SLC38A9: variants seen among roughly 807,000 people sequenced by gnomAD.
The protein encoded by SLC38A9 is solute carrier family 38 member 9.
SLC38A9 carries 48 observed loss-of-function variants against 62.3 expected under a neutral mutation model. The ratio of observed to expected loss-of-function variants is 0.77; its 90% confidence interval spans 0.61 to 0.98. The LOEUF (loss-of-function observed/expected upper bound fraction) is 0.98. Ranked by LOEUF, SLC38A9 falls within the 50% of genes least tolerant of loss-of-function variation. The pLI, the probability that SLC38A9 is intolerant of heterozygous loss-of-function variation, is 0.00. For synonymous variants in SLC38A9, 204 were observed against 227.7 expected (o/e 0.90, Z 0.94); for missense variants, 541 against 679.8 (o/e 0.80, Z 2.27).
chr5:55,630,803 A>G (rs1353959286), intron 14 of SLC38A9, among the ~76,000 whole-genome samples: 1 of 152,126 alleles, frequency 6.6e-6, no homozygotes, highest in African/African-American at 2.4e-5. Context: ...TACTTATGTT[A>G]ACAAGTAATG....
At chr5:55,635,678 T>C (rs571739753) in intron 12 of SLC38A9, 21 bp from the exon 13 acceptor site, 1 of 1,521,754 alleles carries the variant, frequency 6.6e-7, no homozygotes, top group South Asian at 1.1e-5. Flanking sequence ...AGAACAAAAG[T>C]CCCATAATAC....
At chr5:55,688,410 CA>C (rs1754256924) in intron 3 of SLC38A9, among the ~76,000 whole-genome samples, 1 of 136,194 alleles carries the variant, frequency 7.3e-6, no homozygotes, top group Admixed American at 7.7e-5. Flanking sequence ...AAGACAGTCT[CA>C]CTCTGTTGCC....
Position 55,652,584 on chromosome 5 carries a change from G to T in SLC38A9, c.897C>A (p.Leu299=). The T allele has an allele frequency of 2.5e-6, 4 of 1,611,236 alleles. No individual in the cohort carries two copies. Among genetic ancestry groups the T allele is most frequent in the Non-Finnish European group, 3.4e-6 (4 of 1,178,326 alleles). ...RTVPFYLVGL[L]LPLLNFKSPS... ...GAGACTTGAAATTGAGCAGTGGGAG[G>T]AGGAGCCCTACAAGATAAAAGGGGA... Residue 299 remains leucine (L), a synonymous_variant, in exon 10 of 16, where the codon CTC becomes CTA. Coordinates refer to ENST00000396865, the MANE Select transcript of SLC38A9 (RefSeq NM_173514.4).
At chr5:55,640,983 T>G (rs561794988) in intron 12 of SLC38A9, among the ~76,000 whole-genome samples, 3 of 152,204 alleles carry the variant, frequency 2.0e-5, no homozygotes, top group Non-Finnish European at 4.4e-5. Context: ...ATTACAGGCA[T>G]GTGCCACCAC....
chr5:55,641,209 C>G (rs73125608), intron 12 of SLC38A9, among the ~76,000 whole-genome samples: 7,441 of 152,248 alleles, frequency 0.049, 315 homozygotes, highest in African/African-American at 0.12. Flanking sequence ...TGGTAAAAAC[C>G]TACCAAGAGT....
At chr5:55,702,305 C>T (rs558227740) in intron 2 of SLC38A9, among the ~76,000 whole-genome samples, 2 of 151,308 alleles carry the variant, frequency 1.3e-5, no homozygotes, top group East Asian at 3.9e-4. Flanking sequence ...GTCACCCAGG[C>T]TGGAGTGGTG....
intron 14 of SLC38A9, among the ~76,000 whole-genome samples, chr5:55,632,500 A>G (rs1488822430): frequency 1.3e-5 from 2 of 152,208 alleles, no homozygotes; most frequent in Non-Finnish European, 2.9e-5. Flanking sequence ...ATATAAAAGT[A>G]AGGATTGTTG....
chr5:55,648,819 G>A (rs1292707276), intron 11 of SLC38A9, among the ~76,000 whole-genome samples: 2 of 152,144 alleles, frequency 1.3e-5, no homozygotes, highest in African/African-American at 4.8e-5. Context: ...ACTACACATT[G>A]CATAGAGGTA....
chr5:55,710,626 G>GT (rs1033420722), intron 2 of SLC38A9, among the ~76,000 whole-genome samples: 7 of 151,094 alleles, frequency 4.6e-5, no homozygotes, highest in East Asian at 2.0e-4. Context: ...TTTTGTTTTT[G>GT]TTTTTTTTGA....
intron 8 of SLC38A9, among the ~76,000 whole-genome samples, chr5:55,663,020 G>A (rs890921942): frequency 5.9e-5 from 9 of 151,656 alleles, no homozygotes; most frequent in Non-Finnish European, 1.0e-4. Flanking sequence ...TCAGGCTCCC[G>A]AGTAGCTGGG....
At chr5:55,631,247 A>G (rs1368174323) in intron 14 of SLC38A9, among the ~76,000 whole-genome samples, 1 of 152,214 alleles carries the variant, frequency 6.6e-6, no homozygotes, top group Non-Finnish European at 1.5e-5. Flanking sequence ...AAGAGCATAA[A>G]GGGTCCTGAG....
chr5:55,650,001 A>T (rs955891347), intron 10 of SLC38A9, among the ~76,000 whole-genome samples: 1 of 152,174 alleles, frequency 6.6e-6, no homozygotes, highest in African/African-American at 2.4e-5. Context: ...ACTTACTTTT[A>T]TTCTTTGAAT....
intron 10 of SLC38A9, among the ~76,000 whole-genome samples, chr5:55,650,689 C>G (rs1257501114): frequency 6.6e-6 from 1 of 152,340 alleles, no homozygotes; most frequent in East Asian, 1.9e-4. Flanking sequence ...ACAGTGAATC[C>G]TGTTCCTGAG....
chr5:55,703,426 C>T (rs551972553), intron 2 of SLC38A9, among the ~76,000 whole-genome samples: 19 of 152,240 alleles, frequency 1.2e-4, no homozygotes, highest in African/African-American at 4.6e-4. Context: ...AGTAAGTTGA[C>T]TCTTTGAGAC....
intron 2 of SLC38A9, chr5:55,702,801 C>T (rs1756833546): frequency 6.6e-6 from 1 of 151,980 alleles, no homozygotes; most frequent in Non-Finnish European, 1.5e-5. Context: ...TGTGCATTTT[C>T]TTTTCTCTGT....
intron 12 of SLC38A9, among the ~76,000 whole-genome samples, chr5:55,639,272 T>TTAA (rs1391586466): frequency 4.2e-4 from 23 of 54,648 alleles, no homozygotes; most frequent in African/African-American, 1.6e-3. Context: ...AAACTCTGTC[T>TTAA]AAAAAAAAAA....
At chr5:55,671,681 C>G (rs902834231) in intron 4 of SLC38A9, among the ~76,000 whole-genome samples, 7 of 151,956 alleles carry the variant, frequency 4.6e-5, no homozygotes, top group Non-Finnish European at 8.8e-5. Flanking sequence ...AACCGTGTCT[C>G]TACTCAAAAT....
intron 3 of SLC38A9, chr5:55,694,291 TG>T: frequency 5.7e-6 from 1 of 176,442 alleles, no homozygotes; most frequent in Non-Finnish European, 1.3e-5. Context: ...CTGCCATCCG[TG>T]GTCATGTCAG....
In SLC38A9 at chr5:55,645,783, A is replaced by T. The variant is rs1407466012; in HGVS notation, c.1167+6T>A. 1 of 1,566,640 alleles carries T rather than the reference A, an allele frequency of 6.4e-7. No homozygotes were observed. Among genetic ancestry groups the T allele is most frequent in the African/African-American group, 1.4e-5 (1 of 73,518 alleles). On this transcript the variant is annotated splice_donor_region_variant and intron_variant, in intron 12 of 15. Transcript: ENST00000396865. ...ACAAAAGTCAATTCCAAAGATAATT[A>T]CTCACATTGTTTTCTTGTTTCTTGT...
Sources: gnomAD v4.1 joint callset for allele counts (sites outside exome capture counted in the v4.1 genomes callset) on GRCh38, gnomAD v4.1.1 for gene constraint, MANE v1.5 for transcripts, NCBI Gene and HGNC (gene_info 2026-07-23, HGNC 2026-07-21) for gene names.